KCNH5: variants seen among roughly 807,000 people sequenced by gnomAD.
KCNH5 encodes the protein voltage-gated delayed rectifier potassium channel KCNH5.
In KCNH5, 46 loss-of-function variants were observed where a neutral mutation model predicts 96.1. The ratio of observed to expected loss-of-function variants is 0.48; its 90% CI spans 0.38 to 0.61. The LOEUF is 0.61. Ranked by LOEUF, KCNH5 falls within the 20% of genes least tolerant of loss-of-function variation. The pLI is 0.00. For missense variants in KCNH5, 907 were observed against 1,225.8 expected (o/e 0.74, Z 3.88); for synonymous variants, 439 against 449.8 (o/e 0.98, Z 0.30).
intron 7 of KCNH5, among the ~76,000 whole-genome samples, chr14:62,935,292 C>T (rs1889657259): frequency 6.6e-6 from 1 of 152,170 alleles, no homozygotes; most frequent in South Asian, 2.1e-4. Context: ...ATTTACTGAG[C>T]ACCTGCTACA....
intron 6 of KCNH5, among the ~76,000 whole-genome samples, chr14:62,976,527 A>C (rs1472920891): frequency 6.6e-6 from 1 of 152,160 alleles, no homozygotes; most frequent in East Asian, 1.9e-4. Context: ...AATAGGAAAA[A>C]ATATCAAGAC....
intron 1 of KCNH5, among the ~76,000 whole-genome samples, chr14:63,036,794 C>G (rs1382933597): frequency 2.6e-5 from 4 of 151,904 alleles, no homozygotes; most frequent in Non-Finnish European, 4.4e-5. Flanking sequence ...AAAAGGGAAG[C>G]CAGTAGAAAG....
intron 6 of KCNH5, among the ~76,000 whole-genome samples, chr14:62,957,064 G>C (rs1890117821): frequency 6.6e-6 from 1 of 152,146 alleles, no homozygotes; most frequent in African/African-American, 2.4e-5. Flanking sequence ...AGGGTGAATG[G>C]AGGACTTTCA....
rs991277571 is a variant in KCNH5, at chr14:62,700,954, G to A, written c.*6554C>T. On this transcript the variant is annotated 3_prime_UTR_variant, in exon 11 of 11. Transcript: ENST00000322893. Reference sequence around the variant, plus strand: ...GGTTACATTTTATATTATGAAATATGATTTAGCAGAGAATGGGGATAAAAT... The same window carrying A: ...GGTTACATTTTATATTATGAAATATAATTTAGCAGAGAATGGGGATAAAAT... 5.9e-5 allele frequency: 9 copies of A among 152,198 alleles called. No homozygotes were observed. Among genetic ancestry groups the A allele is most frequent in the Non-Finnish European group, 4.4e-5 (3 of 68,006 alleles). The allele number at this position is 152,198 out of a possible 1,614,324, so 9.4% of individuals were successfully genotyped here.
At chr14:63,004,970 T>C (rs1388473814) in intron 3 of KCNH5, among the ~76,000 whole-genome samples, 2 of 152,220 alleles carry the variant, frequency 1.3e-5, no homozygotes, top group Non-Finnish European at 2.9e-5. Flanking sequence ...TTGGAGCACA[T>C]ATCTAAATTA....
At chr14:62,772,298 A>G (rs1886003880) in intron 10 of KCNH5, among the ~76,000 whole-genome samples, 1 of 152,094 alleles carries the variant, frequency 6.6e-6, no homozygotes, top group African/African-American at 2.4e-5. Flanking sequence ...GTAACTTCTA[A>G]TATAAAAGTA....
chr14:62,917,950 G>A (rs946195838), intron 7 of KCNH5, among the ~76,000 whole-genome samples: 1 of 152,110 alleles, frequency 6.6e-6, no homozygotes, highest in Non-Finnish European at 1.5e-5. Flanking sequence ...TGTTCAGCAT[G>A]AGGCAGGGGC....
chr14:62,709,457 C>CAAT (rs1398232576), intron 10 of KCNH5, among the ~76,000 whole-genome samples: 6 of 152,086 alleles, frequency 3.9e-5, no homozygotes, highest in African/African-American at 1.4e-4. Context: ...GACTTCATTG[C>CAAT]AAACTGCTCT....
At chr14:62,851,704 A>T (rs1887810283) in intron 7 of KCNH5, among the ~76,000 whole-genome samples, 2 of 152,106 alleles carry the variant, frequency 1.3e-5, no homozygotes, top group South Asian at 4.1e-4. Context: ...GGTTAATGAA[A>T]TAATGCTGCA....
At chr14:62,991,668 A>G (rs1224625557) in intron 4 of KCNH5, among the ~76,000 whole-genome samples, 5 of 152,000 alleles carry the variant, frequency 3.3e-5, no homozygotes, top group African/African-American at 4.8e-5. Context: ...GCTACTCAGT[A>G]ATCTTTTTAT....
intron 9 of KCNH5, among the ~76,000 whole-genome samples, chr14:62,800,738 C>T (rs968302498): frequency 6.6e-6 from 1 of 152,196 alleles, no homozygotes; most frequent in Admixed American, 6.5e-5. Flanking sequence ...GTATCCTCTT[C>T]TTTAAGCAAA....
intron 7 of KCNH5, among the ~76,000 whole-genome samples, chr14:62,871,474 T>C (rs191825037): frequency 6.6e-6 from 1 of 152,282 alleles, no homozygotes; most frequent in African/African-American, 2.4e-5. Context: ...TACTTCTCCA[T>C]TAATATGAGA....
At chr14:63,012,547 T>C (rs1891248155) in intron 2 of KCNH5, among the ~76,000 whole-genome samples, 1 of 152,134 alleles carries the variant, frequency 6.6e-6, no homozygotes, top group African/African-American at 2.4e-5. Flanking sequence ...TATCCAGCAA[T>C]CCCATTTCTG....
In KCNH5 at chr14:63,006,444, T is replaced by C. The variant is rs1295786747; in HGVS notation, c.226A>G (p.Lys76Glu). 6.8e-6 allele frequency: 11 copies of C among 1,611,884 alleles called. No individual in the cohort carries two copies. The highest frequency in any genetic ancestry group is 9.3e-6 in the Non-Finnish European group (11 of 1,178,438). The change falls in exon 3 of 11, where the codon AAG becomes GAG. Residue 76 changes from lysine (K) to glutamate (E), a missense_variant. Transcript: ENST00000322893. ...GTTTGCCTGACTTTCTCAATGGTCT[T>C]CTTGTCAGTCAATTCCCCATACATA... Reference protein sequence around the residue: ...SFMYGELTDKKTIEKVRQTFD... With the variant: ...SFMYGELTDKETIEKVRQTFD...
At chr14:62,796,515 T>A (rs1010256961) in intron 9 of KCNH5, among the ~76,000 whole-genome samples, 8 of 152,314 alleles carry the variant, frequency 5.3e-5, no homozygotes, top group African/African-American at 1.4e-4. Context: ...AAGTTACAAT[T>A]GAAAGACTTA....
chr14:63,041,252 A>G (rs367562814), intron 1 of KCNH5, among the ~76,000 whole-genome samples: 1 of 152,158 alleles, frequency 6.6e-6, no homozygotes, highest in East Asian at 1.9e-4. Flanking sequence ...AGTCCTAAAA[A>G]CAGTTACTTT....
intron 1 of KCNH5, among the ~76,000 whole-genome samples, chr14:63,038,433 G>T: frequency 6.6e-6 from 1 of 151,962 alleles, no homozygotes; most frequent in Non-Finnish European, 1.5e-5. Context: ...ATCTCAAATT[G>T]CGTATCTTTT....
At chr14:62,827,931 C>A (rs540197156) in intron 8 of KCNH5, among the ~76,000 whole-genome samples, 137 of 151,776 alleles carry the variant, frequency 9.0e-4, no homozygotes, top group African/African-American at 3.1e-3. Context: ...ATGTTTGCAC[C>A]CTTCATACCT....
At chr14:62,844,221 C>T (rs1029467059) in intron 8 of KCNH5, among the ~76,000 whole-genome samples, 2 of 151,484 alleles carry the variant, frequency 1.3e-5, no homozygotes, top group Admixed American at 1.3e-4. Context: ...TGATTTTTTT[C>T]AAGCTACATG....
Sources: gnomAD v4.1 joint callset for allele counts (sites outside exome capture counted in the v4.1 genomes callset) on GRCh38, gnomAD v4.1.1 for gene constraint, MANE v1.5 for transcripts, NCBI Gene and HGNC (gene_info 2026-07-23, HGNC 2026-07-21) for gene names.